LINGO2: variants seen among roughly 807,000 people sequenced by gnomAD.
LINGO2 encodes leucine-rich repeat and immunoglobulin-like domain-containing nogo receptor-interacting protein 2.
In LINGO2, 14 loss-of-function variants were observed where a neutral mutation model predicts 30.6. The ratio of observed to expected loss-of-function variants is 0.46; its 90% confidence interval spans 0.30 to 0.72. The LOEUF (loss-of-function observed/expected upper bound fraction) is 0.72. LINGO2 is among the 30% of genes least tolerant of loss of function. The probability of loss-of-function intolerance (pLI) is 0.07; values close to 1 mark genes in which losing one functional copy is unlikely to be tolerated. For synonymous variants in LINGO2, 317 were observed against 288.5 expected (o/e 1.10, Z -1.00); for missense variants, 729 against 751.7 (o/e 0.97, Z 0.35).
the LINGO2 span, among the ~76,000 whole-genome samples, chr9:29,130,804 G>A: frequency 1.1e-4 from 17 of 152,030 alleles, no homozygotes; most frequent in African/African-American, 2.9e-4. Context: ...AATTACAACC[G>A]AGATGGAAGG....
intron 2 of LINGO2, among the ~76,000 whole-genome samples, chr9:28,450,767 T>C (rs1824617876): frequency 6.6e-6 from 1 of 152,012 alleles, no homozygotes; most frequent in South Asian, 2.1e-4. Context: ...ATCTTTACAT[T>C]TTCATGACTT....
chr9:28,323,006 T>C (rs1156994203), intron 3 of LINGO2, among the ~76,000 whole-genome samples: 1 of 152,190 alleles, frequency 6.6e-6, no homozygotes, highest in Non-Finnish European at 1.5e-5. Context: ...CAGGAAAATC[T>C]TTATTCTAAT....
chr9:28,122,343 T>C lies in LINGO2; in HGVS notation c.-86-109938A>G, dbSNP rs377576926. Among the ~76,000 whole-genome samples the C allele has an allele frequency of 4.1e-4, 62 of 152,286 alleles. No homozygotes were observed. The South Asian group carries it at 0.013, about 31-fold the overall frequency. On this transcript the variant is annotated intron_variant, in intron 4 of 5. Coordinates refer to ENST00000379992, the Ensembl canonical transcript of LINGO2. ...AACAATTCATAGTGAAATAGGGCTATGTATATAAACACACGGATTAGAAGA... is the reference window on the plus strand; with the variant it reads ...AACAATTCATAGTGAAATAGGGCTACGTATATAAACACACGGATTAGAAGA...
chr9:29,143,289 A>G, the LINGO2 span, among the ~76,000 whole-genome samples: 2 of 152,134 alleles, frequency 1.3e-5, no homozygotes, highest in African/African-American at 2.4e-5. Flanking sequence ...CAAAATTCCA[A>G]TGGCATTTTT....
the LINGO2 span, among the ~76,000 whole-genome samples, chr9:29,085,403 T>C: frequency 8.7e-5 from 13 of 149,222 alleles, no homozygotes; most frequent in Non-Finnish European, 1.8e-4. Context: ...CATCAGCTAA[T>C]TGGTTACTAT....
chr9:28,975,823 T>C, the LINGO2 span, among the ~76,000 whole-genome samples: 1 of 152,192 alleles, frequency 6.6e-6, no homozygotes, highest in African/African-American at 2.4e-5. Context: ...GTAGTTACAA[T>C]GTATTTGTTA....
the LINGO2 span, among the ~76,000 whole-genome samples, chr9:28,794,113 G>T: frequency 1.3e-5 from 2 of 152,128 alleles, no homozygotes; most frequent in Admixed American, 6.5e-5. Flanking sequence ...AGACCATCCT[G>T]GCCAACATAG....
chr9:28,441,251 C>CTTTTTTTTTTTTTTTT lies in LINGO2; in HGVS notation c.-279+34673_-279+34688dup, dbSNP rs72213590. Reference sequence around the variant, plus strand: ...TATAGCAGTATAAATTCATTGGAGGCTTTTTTTTTTTTTTTTTTTTTTTTT... The same window carrying CTTTTTTTTTTTTTTTT: ...TATAGCAGTATAAATTCATTGGAGGCTTTTTTTTTTTTTTTTTTTTTTTTTTTTTTTTTTTTTTTTT... On this transcript the variant is annotated intron_variant, in intron 2 of 5. Coordinates refer to ENST00000379992, the Ensembl canonical transcript of LINGO2. Among the ~76,000 whole-genome samples the CTTTTTTTTTTTTTTTT allele has an allele frequency of 4.1e-4, 15 of 36,288 alleles. 3 individuals carry two copies. The highest frequency in any genetic ancestry group is 7.2e-4 in the East Asian group (1 of 1,392). 23.8% of individuals were successfully genotyped at this position (36,288 alleles called of 152,430 possible). A position where few individuals can be genotyped will look rare whatever the true frequency, so the allele number is the denominator to read the frequency against.
At chr9:28,763,661 A>G in the LINGO2 span, among the ~76,000 whole-genome samples, 539 of 151,938 alleles carry the variant, frequency 3.5e-3, 8 homozygotes, top group African/African-American at 0.012. Flanking sequence ...CAAAGTTAGC[A>G]AAAGAAAGAC....
At chr9:28,933,921 T>C in the LINGO2 span, among the ~76,000 whole-genome samples, 5 of 152,188 alleles carry the variant, frequency 3.3e-5, no homozygotes, top group Admixed American at 3.3e-4. Context: ...TATGGAAGTG[T>C]ACTCCCATTG....
chr9:29,104,261 G>C, the LINGO2 span, among the ~76,000 whole-genome samples: 2 of 152,134 alleles, frequency 1.3e-5, no homozygotes, highest in Admixed American at 1.3e-4. Flanking sequence ...CCTGTTGGGA[G>C]GTGATTGGAT....
At chr9:28,498,685 C>A (rs181236938) in intron 1 of LINGO2, among the ~76,000 whole-genome samples, 70 of 152,240 alleles carry the variant, frequency 4.6e-4, no homozygotes, top group African/African-American at 1.5e-3. Context: ...CTCCAACAAA[C>A]CCCAGTGAGA....
At chr9:29,155,668 T>G in the LINGO2 span, among the ~76,000 whole-genome samples, 1 of 151,942 alleles carries the variant, frequency 6.6e-6, no homozygotes, top group Non-Finnish European at 1.5e-5. Context: ...AATAATTTAC[T>G]GTAAAAAGGA....
intron 4 of LINGO2, among the ~76,000 whole-genome samples, chr9:28,152,427 G>T (rs1047427407): frequency 2.6e-5 from 4 of 152,008 alleles, no homozygotes; most frequent in African/African-American, 9.7e-5. Context: ...AGCGCGCCAT[G>T]GTTCTTTCAC....
the LINGO2 span, among the ~76,000 whole-genome samples, chr9:28,823,790 T>G: frequency 1.1e-4 from 16 of 152,318 alleles, no homozygotes; most frequent in Middle Eastern, 3.4e-3. Flanking sequence ...TAGACACTGC[T>G]TTGTTGTTAT....
the LINGO2 span, among the ~76,000 whole-genome samples, chr9:28,831,771 T>C: frequency 6.6e-6 from 1 of 152,238 alleles, no homozygotes; most frequent in Non-Finnish European, 1.5e-5. Flanking sequence ...ATGGCTATCT[T>C]TCCCCAAGTA....
intron 1 of LINGO2, among the ~76,000 whole-genome samples, chr9:28,614,644 G>A (rs1014593705): frequency 1.3e-5 from 2 of 152,006 alleles, no homozygotes; most frequent in Admixed American, 6.6e-5. Context: ...GAAATATATC[G>A]GTGAAATTTA....
intron 2 of LINGO2, among the ~76,000 whole-genome samples, chr9:28,425,165 G>GTA (rs1488661313): frequency 6.7e-6 from 1 of 150,060 alleles, no homozygotes; most frequent in Non-Finnish European, 1.5e-5. Flanking sequence ...TTTACATTCT[G>GTA]CACTTTAACA....
Position 27,979,899 on chromosome 9 carries a change from C to T in LINGO2, c.-35-29193G>A, listed in dbSNP as rs530127652. 3.3e-5 allele frequency among the ~76,000 whole-genome samples: 5 copies of T among 152,048 alleles called. No individual in the cohort carries two copies. In the East Asian group the frequency reaches 7.8e-4, roughly 24 times the overall value. ...AATGTAAATGATAACTGAGAAAAAT[C>T]AGTTTCATTTTCTGTCCATAAAACT... is the stretch of plus-strand genomic sequence containing the variant. On this transcript the variant is annotated intron_variant, in intron 5 of 5. Transcript: ENST00000379992.
Sources: gnomAD v4.1 joint callset for allele counts (sites outside exome capture counted in the v4.1 genomes callset) on GRCh38, gnomAD v4.1.1 for gene constraint, MANE v1.5 for transcripts, NCBI Gene and HGNC (gene_info 2026-07-23, HGNC 2026-07-21) for gene names.